Variants in DR1 observed in about 807,000 individuals in gnomAD.
DR1 encodes the protein down-regulator of transcription 1.
In DR1, 7 loss-of-function variants were observed where a neutral mutation model predicts 19.9. The ratio of observed to expected loss-of-function variants is 0.35; its 90% CI spans 0.20 to 0.66. The LOEUF is 0.66. Among genes scored for constraint, DR1 ranks in the 30% least tolerant of loss-of-function variants. The pLI is 0.66. For missense variants in DR1, 98 were observed against 203.7 expected, an observed-to-expected ratio of 0.48 and a Z score of 3.16; for synonymous variants, 76 against 72.5, an observed-to-expected ratio of 1.05 and a Z score of -0.24.
intron 1 of DR1, among the ~76,000 whole-genome samples, chr1:93,351,215 A>C (rs1666909235): frequency 6.6e-6 from 1 of 152,120 alleles, no homozygotes; most frequent in Non-Finnish European, 1.5e-5. Flanking sequence ...AAGTCAATGA[A>C]ATTTTTGAAA....
At position 93,360,700 on chromosome 1, in the gene DR1, T is replaced by C; in HGVS notation, c.*61T>C. On this transcript the variant is annotated 3_prime_UTR_variant, in exon 3 of 3. Coordinates refer to ENST00000370272, the MANE Select transcript of DR1 (RefSeq NM_001938.3). ...GTTTTTCCCTGCACAACAAAAACAG[T>C]GAAAGAAATGCTTATCTGTAATTTT... 6.5e-7 allele frequency: 1 copy of C among 1,538,376 alleles called. No homozygotes were observed. The highest frequency in any genetic ancestry group is 8.7e-7 in the Non-Finnish European group (1 of 1,146,568).
intron 2 of DR1, among the ~76,000 whole-genome samples, chr1:93,354,721 G>A (rs1174151906): frequency 6.6e-6 from 1 of 152,130 alleles, no homozygotes; most frequent in African/African-American, 2.4e-5. Context: ...AGAAGCCGTA[G>A]TAACCATTAG....
At chr1:93,357,253 T>C (rs1208350087) in intron 2 of DR1, among the ~76,000 whole-genome samples, 2 of 152,212 alleles carry the variant, frequency 1.3e-5, no homozygotes, top group Non-Finnish European at 2.9e-5. Context: ...CTATAGTCTT[T>C]TCCTTACTTA....
chr1:93,348,646 T>A (rs1287604943), intron 1 of DR1, among the ~76,000 whole-genome samples: 1 of 152,126 alleles, frequency 6.6e-6, no homozygotes, highest in Non-Finnish European at 1.5e-5. Context: ...TAAATTCAGT[T>A]TAATGTGTGA....
chr1:93,360,732 A>T lies in DR1; in HGVS notation c.*93A>T. On this transcript the variant is annotated 3_prime_UTR_variant, in exon 3 of 3. Transcript: ENST00000370272. ...AATGCTTATCTGTAATTTTGTATGCATCTTGGTGGACTTGTCATTGGTATT... is the reference window on the plus strand; with the variant it reads ...AATGCTTATCTGTAATTTTGTATGCTTCTTGGTGGACTTGTCATTGGTATT... The T allele has an allele frequency of 7.2e-7, 1 of 1,387,332 alleles. No individual in the cohort carries two copies. Among genetic ancestry groups the T allele is most frequent in the African/African-American group, 1.5e-5 (1 of 67,180 alleles). The allele number at this position is 1,387,332 out of a possible 1,614,324, so 85.9% of individuals were successfully genotyped here.
chr1:93,361,646 A>T lies in DR1; in HGVS notation c.*1007A>T, dbSNP rs1299800426. ...ATTACTTTTACATTTTCCCAACTAG[A>T]TGGCCTAGAGTCCAACATTACCTTT... On this transcript the variant is annotated 3_prime_UTR_variant, in exon 3 of 3. Coordinates refer to ENST00000370272, the MANE Select transcript of DR1 (RefSeq NM_001938.3). The T allele has an allele frequency of 1.3e-5, 2 of 152,366 alleles. No individual in the cohort carries two copies. Among genetic ancestry groups the T allele is most frequent in the Admixed American group, 6.5e-5 (1 of 15,268 alleles). 9.4% of individuals were successfully genotyped at this position (152,366 alleles called of 1,614,324 possible). A position where few individuals can be genotyped will look rare whatever the true frequency, so the allele number is the denominator to read the frequency against.
Position 93,360,721 on chromosome 1 carries a change from A to G in DR1, c.*82A>G, listed in dbSNP as rs1667041385. The G allele has an allele frequency of 5.5e-6, 8 of 1,467,810 alleles. No homozygotes were observed. The allele number at this position is 1,467,810 out of a possible 1,614,324, so 90.9% of individuals were successfully genotyped here. A position where few individuals can be genotyped will look rare whatever the true frequency, so the allele number is the denominator to read the frequency against. On this transcript the variant is annotated 3_prime_UTR_variant, in exon 3 of 3. Transcript: ENST00000370272. ...ACAGTGAAAGAAATGCTTATCTGTA[A>G]TTTTGTATGCATCTTGGTGGACTTG...
chr1:93,362,926 T>G lies in DR1; in HGVS notation c.*2287T>G, dbSNP rs1667076109. 1 of 148,688 alleles carries G rather than the reference T, an allele frequency of 6.7e-6. No individual in the cohort carries two copies. The highest frequency in any genetic ancestry group is 2.5e-5 in the African/African-American group (1 of 40,752). The allele number at this position is 148,688 out of a possible 1,614,324, so 9.2% of individuals were successfully genotyped here. On this transcript the variant is annotated 3_prime_UTR_variant, in exon 3 of 3. Coordinates refer to ENST00000370272, the MANE Select transcript of DR1 (RefSeq NM_001938.3). ...ATCTTTTGAAGAGAGAAACAAAATC[T>G]TCAGCGTTCTTGAGAAATAAAATTA...
At chr1:93,357,667 A>G (rs1386418908) in intron 2 of DR1, among the ~76,000 whole-genome samples, 1 of 152,046 alleles carries the variant, frequency 6.6e-6, no homozygotes, top group Non-Finnish European at 1.5e-5. Flanking sequence ...ATTCTTACTC[A>G]TCTGTTTTTT....
rs1485106844 is a variant in DR1 at position 93,369,475 on chromosome 1, A to C, written c.*8836A>C. On this transcript the variant is annotated 3_prime_UTR_variant, in exon 3 of 3. Transcript: ENST00000370272. ...TATGCAGAATATGAGAAGTTATTTTATAAAGTTGATTTGTGGTATAGGCTT... is the reference window on the plus strand; with the variant it reads ...TATGCAGAATATGAGAAGTTATTTTCTAAAGTTGATTTGTGGTATAGGCTT... The C allele has an allele frequency of 6.6e-6, 1 of 152,220 alleles. No individual in the cohort carries two copies. The highest frequency in any genetic ancestry group is 6.5e-5 in the Admixed American group (1 of 15,280). 9.4% of individuals were successfully genotyped at this position (152,220 alleles called of 1,614,324 possible).
intron 1 of DR1, 75 bp downstream of exon 1, chr1:93,346,940 C>CA: frequency 6.9e-6 from 9 of 1,295,552 alleles, no homozygotes; most frequent in Non-Finnish European, 9.8e-6. Context: ...CCTTTCGTGT[C>CA]AAAGCCTCCA....
chr1:93,351,528 C>G (rs1393116273), intron 1 of DR1, among the ~76,000 whole-genome samples: 2 of 150,280 alleles, frequency 1.3e-5, no homozygotes, highest in South Asian at 2.1e-4. Flanking sequence ...CTCTGCCTCC[C>G]GGGTTCAAGC....
Position 93,364,025 on chromosome 1 carries a change from A to C in DR1, c.*3386A>C, listed in dbSNP as rs1212940126. ...GTATAAACCTAAGAATGGAATTGCC[A>C]GGTTGTAGGGTGTGTATATTTTCAG... is the stretch of plus-strand genomic sequence containing the variant. On this transcript the variant is annotated 3_prime_UTR_variant, in exon 3 of 3. Coordinates refer to ENST00000370272, the MANE Select transcript of DR1 (RefSeq NM_001938.3). The C allele has an allele frequency of 6.6e-6, 1 of 152,182 alleles. No individual in the cohort carries two copies. The highest frequency in any genetic ancestry group is 2.4e-5 in the African/African-American group (1 of 41,440). 9.4% of individuals were successfully genotyped at this position (152,182 alleles called of 1,614,324 possible).
rs1266108844 is a variant in DR1, at chr1:93,366,742, G to A, written c.*6103G>A. On this transcript the variant is annotated 3_prime_UTR_variant, in exon 3 of 3. Transcript: ENST00000370272. ...GAATTGGCTGGACATGGTGGCTTAC[G>A]CCTGTAATCTCAACACTGGGAAGTC... The A allele has an allele frequency of 1.3e-5, 2 of 152,174 alleles. No homozygotes were observed. The highest frequency in any genetic ancestry group is 1.9e-4 in the East Asian group (1 of 5,208). 9.4% of individuals were successfully genotyped at this position (152,174 alleles called of 1,614,324 possible).
rs535993545 is a variant in DR1, at chr1:93,368,337, T to A, written c.*7698T>A. 1 of 152,350 alleles carries A rather than the reference T, an allele frequency of 6.6e-6. No individual in the cohort carries two copies. 9.4% of individuals were successfully genotyped at this position (152,350 alleles called of 1,614,324 possible). ...TTTGTATATTTTATATGAATAGCAC[T>A]TGTCACTAACATAGAAAGCAGTAGA... is the stretch of plus-strand genomic sequence containing the variant. On this transcript the variant is annotated 3_prime_UTR_variant, in exon 3 of 3. Coordinates refer to ENST00000370272, the MANE Select transcript of DR1 (RefSeq NM_001938.3).
intron 2 of DR1, among the ~76,000 whole-genome samples, chr1:93,356,348 C>G (rs564640093): frequency 6.6e-6 from 1 of 152,080 alleles, no homozygotes; most frequent in Non-Finnish European, 1.5e-5. Flanking sequence ...CTCAAGGGAT[C>G]CTCCTGCTTC....
intron 2 of DR1, among the ~76,000 whole-genome samples, chr1:93,354,402 T>G (rs1666954353): frequency 6.6e-6 from 1 of 152,192 alleles, no homozygotes; most frequent in African/African-American, 2.4e-5. Flanking sequence ...ATATCAAATT[T>G]TATGATGCAT....
In DR1 at chr1:93,353,956, T is replaced by C. The variant is rs1316923518; in HGVS notation, c.269T>C (p.Val90Ala). ...TCTTACATCAGTGAAGTAAAAGAAG[T>C]CTTGCAAGAGTGTAAAACAGTAGCA... Reference protein sequence around the residue: ...FGSYISEVKEVLQECKTVALK... With the variant: ...FGSYISEVKEALQECKTVALK... The change falls in exon 2 of 3, where the codon GTC becomes GCC. Residue 90 changes from valine to alanine, a missense_variant. Physicochemically the swap from Val to Ala is moderately conservative, Grantham distance 64 (BLOSUM62 0). Coordinates refer to ENST00000370272, the MANE Select transcript of DR1 (RefSeq NM_001938.3). The C allele has an allele frequency of 4.3e-6, 7 of 1,612,578 alleles. No homozygotes were observed. The highest frequency in any genetic ancestry group is 1.3e-5 in the African/African-American group (1 of 74,890).
intron 2 of DR1, among the ~76,000 whole-genome samples, chr1:93,360,012 T>C (rs1667033970): frequency 6.6e-6 from 1 of 152,122 alleles, no homozygotes; most frequent in Admixed American, 6.5e-5. Flanking sequence ...AGTACTTCTT[T>C]CCTATGAGGT....
Sources: gnomAD v4.1 joint callset for allele counts (sites outside exome capture counted in the v4.1 genomes callset) on GRCh38, gnomAD v4.1.1 for gene constraint, MANE v1.5 for transcripts, NCBI Gene and HGNC (gene_info 2026-07-23, HGNC 2026-07-21) for gene names.